The following ZNF438 variants were observed in gnomAD, a reference collection of about 807,000 sequenced individuals.
ZNF438 encodes the protein zinc finger protein 438.
Under a neutral mutation model 38.0 loss-of-function variants are expected in ZNF438, and 25 were observed. The ratio of observed to expected loss-of-function variants is 0.66; its 90% confidence interval spans 0.48 to 0.92. ZNF438 has a LOEUF of 0.92. Among genes scored for constraint, ZNF438 ranks in the 40% least tolerant of loss-of-function variants. The probability of loss-of-function intolerance (pLI) is 0.00; values close to 1 mark genes in which losing one functional copy is unlikely to be tolerated. For synonymous variants in ZNF438, 372 were observed against 364.1 expected, an observed-to-expected ratio of 1.02 and a Z score of -0.25; for missense variants, 1,007 against 999.6, an observed-to-expected ratio of 1.01 and a Z score of -0.10.
In ZNF438 at chr10:31,027,649, G is replaced by T. The variant is rs566711933; in HGVS notation, c.-192+4184C>A. 1.7e-4 allele frequency among the ~76,000 whole-genome samples: 26 copies of T among 152,082 alleles called. No individual in the cohort carries two copies. The South Asian group carries it at 5.4e-3, about 32-fold the overall frequency. ...CATATATGGGTATCTGATGTTCCTGGGAAACTAACTGCAAATGTGGTGTAA... is the reference window on the plus strand; with the variant it reads ...CATATATGGGTATCTGATGTTCCTGTGAAACTAACTGCAAATGTGGTGTAA... On this transcript the variant is annotated intron_variant, in intron 1 of 5. Coordinates refer to ENST00000413025, the Ensembl canonical transcript of ZNF438.
At chr10:30,946,335 T>C (rs2047407649) in intron 1 of ZNF438, among the ~76,000 whole-genome samples, 1 of 152,058 alleles carries the variant, frequency 6.6e-6, no homozygotes, top group East Asian at 1.9e-4. Flanking sequence ...AAAGACAAAG[T>C]TGACAAATGG....
intron 4 of ZNF438, among the ~76,000 whole-genome samples, chr10:30,857,980 G>C (rs2034954816): frequency 6.6e-6 from 1 of 152,224 alleles, no homozygotes; most frequent in Admixed American, 6.5e-5. Flanking sequence ...CAGAACCAAA[G>C]CCTGCTCTGT....
chr10:30,949,209 T>C (rs370542673), intron 1 of ZNF438, among the ~76,000 whole-genome samples: 9,780 of 148,344 alleles, frequency 0.066, 394 homozygotes, highest in Non-Finnish European at 0.091. Flanking sequence ...CTGAGAGATT[T>C]TGTCACCACC....
intron 4 of ZNF438, chr10:30,857,718 A>G (rs2133048287): frequency 1.3e-6 from 2 of 1,498,248 alleles, no homozygotes; most frequent in East Asian, 2.5e-5. Flanking sequence ...AGGCTGTTGG[A>G]TATTTGGAGA....
chr10:30,956,233 A>G (rs967910160), intron 1 of ZNF438, among the ~76,000 whole-genome samples: 1 of 152,200 alleles, frequency 6.6e-6, no homozygotes, highest in Non-Finnish European at 1.5e-5. Flanking sequence ...ACAACATAAA[A>G]AATACCAATG....
At chr10:30,932,816 T>G (rs890536745) in intron 2 of ZNF438, among the ~76,000 whole-genome samples, 1 of 152,172 alleles carries the variant, frequency 6.6e-6, no homozygotes, top group Non-Finnish European at 1.5e-5. Flanking sequence ...CCTAATCCAA[T>G]GTACTGGTAT....
At chr10:31,008,589 C>T (rs1046758939) in intron 1 of ZNF438, among the ~76,000 whole-genome samples, 5 of 152,184 alleles carry the variant, frequency 3.3e-5, no homozygotes, top group African/African-American at 9.7e-5. Flanking sequence ...TATGTTATAG[C>T]ATGTGTCAGT....
chr10:30,899,982 G>A (rs2041797963), intron 3 of ZNF438, among the ~76,000 whole-genome samples: 2 of 152,108 alleles, frequency 1.3e-5, no homozygotes, highest in Non-Finnish European at 2.9e-5. Context: ...CACTCTAATC[G>A]ACATAACTGA....
At chr10:30,972,421 T>A (rs1448070277) in intron 1 of ZNF438, among the ~76,000 whole-genome samples, 1 of 152,232 alleles carries the variant, frequency 6.6e-6, no homozygotes, top group Non-Finnish European at 1.5e-5. Context: ...GTTTTTATAT[T>A]TTTAACTTTT....
intron 1 of ZNF438, among the ~76,000 whole-genome samples, chr10:30,952,208 C>G (rs1430546358): frequency 1.3e-5 from 2 of 151,240 alleles, no homozygotes; most frequent in African/African-American, 4.9e-5. Context: ...ATGTAGAAAG[C>G]TGAAACTGGA....
chr10:30,987,904 G>A (rs944663286), intron 1 of ZNF438, among the ~76,000 whole-genome samples: 2 of 152,126 alleles, frequency 1.3e-5, no homozygotes, highest in African/African-American at 2.4e-5. Flanking sequence ...CCCAAACTAA[G>A]ACAGAAATCT....
chr10:30,898,085 A>AACTTTAGTCTAAGTAAAGGCATATAAT (rs1436911115), intron 3 of ZNF438, among the ~76,000 whole-genome samples: 1 of 152,210 alleles, frequency 6.6e-6, no homozygotes, highest in Non-Finnish European at 1.5e-5. Context: ...TTGGGGGGTT[A>AACTTTAGTCTAAGTAAAGGCATATAAT]ACTTTAGTCT....
intron 4 of ZNF438, among the ~76,000 whole-genome samples, chr10:30,872,520 G>A (rs1412320915): frequency 2.7e-5 from 4 of 149,602 alleles, no homozygotes; most frequent in African/African-American, 9.8e-5. Flanking sequence ...GGAGGCCGAG[G>A]CGGACAGATC....
chr10:30,904,408 G>T (rs914730126), intron 3 of ZNF438, among the ~76,000 whole-genome samples: 1 of 152,052 alleles, frequency 6.6e-6, no homozygotes, highest in Admixed American at 6.5e-5. Flanking sequence ...AAAGCCTTCA[G>T]ATATGTCCCC....
exon 6 of ZNF438, chr10:30,844,900 C>T (rs756456012): frequency 1.3e-5 from 21 of 1,557,482 alleles, no homozygotes; most frequent in East Asian, 6.8e-5. Context: ...CCATAAAGCA[C>T]GAAGCTCTGA....
chr10:30,880,067 G>C (rs576392103), intron 3 of ZNF438, among the ~76,000 whole-genome samples: 2 of 152,050 alleles, frequency 1.3e-5, no homozygotes, highest in East Asian at 3.9e-4. Context: ...AAAGCACCCA[G>C]AGAAAAAGAC....
intron 4 of ZNF438, among the ~76,000 whole-genome samples, chr10:30,862,871 T>C (rs551451335): frequency 6.6e-5 from 10 of 152,340 alleles, no homozygotes; most frequent in Admixed American, 3.9e-4. Context: ...ATTACAAAGA[T>C]ATCGCTTTTA....
At chr10:30,905,172 T>C (rs73249078) in intron 3 of ZNF438, among the ~76,000 whole-genome samples, 1,824 of 152,322 alleles carry the variant, frequency 0.012, 44 homozygotes, top group African/African-American at 0.042. Flanking sequence ...AGTAACTCTA[T>C]GTTTAACCTT....
chr10:30,877,606 G>T (rs2038624259), intron 3 of ZNF438, among the ~76,000 whole-genome samples: 2 of 152,030 alleles, frequency 1.3e-5, no homozygotes, highest in South Asian at 4.1e-4. Flanking sequence ...AAAAATAAAG[G>T]CACAGGAAAA....
Sources: allele counts gnomAD v4.1 joint callset (sites outside exome capture counted in the v4.1 genomes callset), GRCh38; gene constraint gnomAD v4.1.1; transcripts MANE v1.5; gene names NCBI Gene and HGNC (gene_info 2026-07-23, HGNC 2026-07-21).